The following RHOBTB1 variants were observed in gnomAD, a reference collection of about 807,000 sequenced individuals.
RHOBTB1 encodes the protein rho-related BTB domain-containing protein 1.
Under a neutral mutation model 71.6 loss-of-function variants are expected in RHOBTB1, and 40 were observed. The observed-to-expected ratio is 0.56, with a 90% CI of 0.43 to 0.73. The LOEUF is 0.73. Among genes scored for constraint, RHOBTB1 ranks in the 30% least tolerant of loss-of-function variants. RHOBTB1 has a pLI of 0.00. For synonymous variants in RHOBTB1, 319 were observed against 334.9 expected (o/e 0.95, Z 0.52); for missense variants, 797 against 894.0 (o/e 0.89, Z 1.38).
intron 2 of RHOBTB1, among the ~76,000 whole-genome samples, chr10:60,938,327 C>A (rs1013121540): frequency 1.3e-5 from 2 of 152,112 alleles, no homozygotes; most frequent in African/African-American, 4.8e-5. Context: ...ACTTTTCAGG[C>A]AGTGTTATGT....
At chr10:60,882,617 G>T (rs774891816) in intron 7 of RHOBTB1, among the ~76,000 whole-genome samples, 3 of 152,008 alleles carry the variant, frequency 2.0e-5, no homozygotes, top group African/African-American at 4.8e-5. Flanking sequence ...TTCATGGTGT[G>T]GGGGGTGGGA....
At chr10:60,981,166 A>G (rs1366527564) in intron 2 of RHOBTB1, among the ~76,000 whole-genome samples, 1 of 152,152 alleles carries the variant, frequency 6.6e-6, no homozygotes, top group Non-Finnish European at 1.5e-5. Context: ...ATGCCATTTG[A>G]AGTTTCTCTG....
chr10:60,885,007 C>T (rs2081502400), intron 7 of RHOBTB1, among the ~76,000 whole-genome samples: 1 of 151,946 alleles, frequency 6.6e-6, no homozygotes, highest in African/African-American at 2.4e-5. Context: ...TAGCTTTGAA[C>T]TCCTGGGCTC....
intron 1 of RHOBTB1, among the ~76,000 whole-genome samples, chr10:61,000,285 T>C (rs916101033): frequency 1.3e-5 from 2 of 152,056 alleles, no homozygotes; most frequent in African/African-American, 4.8e-5. Context: ...GATACCTACT[T>C]CTTCTCACCA....
At chr10:60,913,587 A>G (rs1439312987) in intron 2 of RHOBTB1, among the ~76,000 whole-genome samples, 3 of 152,186 alleles carry the variant, frequency 2.0e-5, no homozygotes, top group African/African-American at 7.2e-5. Flanking sequence ...AATCCCAGGG[A>G]ACACTGCAGT....
intron 2 of RHOBTB1, among the ~76,000 whole-genome samples, chr10:60,957,141 G>A (rs2085623210): frequency 6.6e-6 from 1 of 152,156 alleles, no homozygotes; most frequent in Admixed American, 6.5e-5. Context: ...ACCAGCCTAA[G>A]GCTGTTTGAC....
At chr10:60,958,541 A>G (rs901629789) in intron 2 of RHOBTB1, among the ~76,000 whole-genome samples, 14 of 152,302 alleles carry the variant, frequency 9.2e-5, no homozygotes, top group Admixed American at 8.5e-4. Context: ...CTCACAAAAT[A>G]TCAACCATCA....
chr10:60,912,733 A>T (rs1308882166), intron 2 of RHOBTB1: 1 of 152,276 alleles, frequency 6.6e-6, no homozygotes, highest in Non-Finnish European at 1.5e-5. Flanking sequence ...AGCACCTGCC[A>T]GCTTGGTCTC....
At chr10:60,890,952 C>T (rs1244093935) in intron 5 of RHOBTB1, among the ~76,000 whole-genome samples, 1 of 152,220 alleles carries the variant, frequency 6.6e-6, no homozygotes, top group Admixed American at 6.5e-5. Context: ...GTAGAAGGCA[C>T]TGTCCCCTCC....
chr10:60,882,309 C>G (rs745520342), intron 7 of RHOBTB1, among the ~76,000 whole-genome samples: 4 of 151,766 alleles, frequency 2.6e-5, no homozygotes, highest in Non-Finnish European at 5.9e-5. Context: ...TTAGCTGAGA[C>G]TATTAGGCTT....
chr10:60,906,973 C>A (rs372237954), intron 4 of RHOBTB1, among the ~76,000 whole-genome samples: 2 of 152,172 alleles, frequency 1.3e-5, no homozygotes, highest in South Asian at 2.1e-4. Context: ...ATCTTGAGAG[C>A]AGGTCTTTCT....
intron 9 of RHOBTB1, among the ~76,000 whole-genome samples, chr10:60,874,227 A>T (rs2080935784): frequency 6.6e-6 from 1 of 152,240 alleles, no homozygotes; most frequent in Non-Finnish European, 1.5e-5. Flanking sequence ...GTGTAAATTC[A>T]TTGTTAATCA....
intron 2 of RHOBTB1, among the ~76,000 whole-genome samples, chr10:60,958,980 T>C (rs1282757164): frequency 1.3e-5 from 2 of 152,162 alleles, no homozygotes; most frequent in Non-Finnish European, 2.9e-5. Context: ...ACTATTACTT[T>C]GGTGGTCTCC....
At position 60,870,659 on chromosome 10, in the gene RHOBTB1, C is replaced by T. The variant is rs139404457; in HGVS notation, c.*823G>A. The T allele has an allele frequency of 3.9e-5, 6 of 152,376 alleles. No individual in the cohort carries two copies. Among genetic ancestry groups the T allele is most frequent in the East Asian group, 1.9e-4 (1 of 5,178 alleles). 9.4% of individuals were successfully genotyped at this position (152,376 alleles called of 1,614,324 possible). On this transcript the variant is annotated 3_prime_UTR_variant, in exon 11 of 11. Transcript: ENST00000337910. ...AGATGTAAACCCTAATACAGCAATC[C>T]GAACACCAGCGCACTAATGGTATCT...
chr10:60,880,172 G>T (rs912065851), intron 7 of RHOBTB1, among the ~76,000 whole-genome samples: 7 of 121,610 alleles, frequency 5.8e-5, no homozygotes, highest in African/African-American at 2.4e-4. Flanking sequence ...GATACTGAGG[G>T]ATGACTGTGT....
intron 2 of RHOBTB1, among the ~76,000 whole-genome samples, chr10:60,968,343 T>C (rs2086042036): frequency 6.6e-6 from 1 of 152,164 alleles, no homozygotes; most frequent in East Asian, 1.9e-4. Context: ...AAATGTAGTG[T>C]GTAAATGAAT....
At chr10:60,881,106 T>G (rs1237687847) in intron 7 of RHOBTB1, among the ~76,000 whole-genome samples, 2 of 152,108 alleles carry the variant, frequency 1.3e-5, no homozygotes, top group African/African-American at 4.8e-5. Flanking sequence ...TCTCATGAGA[T>G]CTGATGATTT....
intron 4 of RHOBTB1, among the ~76,000 whole-genome samples, chr10:60,908,793 C>A (rs948264506): frequency 6.6e-6 from 1 of 152,104 alleles, no homozygotes; most frequent in East Asian, 1.9e-4. Flanking sequence ...GGGTCTGTGT[C>A]AGGACGCCTG....
chr10:60,947,647 GTA>G (rs2085281953), upstream of RHOBTB1, among the ~76,000 whole-genome samples: 1 of 151,940 alleles, frequency 6.6e-6, no homozygotes. Flanking sequence ...GGTATTGAAT[GTA>G]TCAATAGTTC....
Sources: allele counts gnomAD v4.1 joint callset (sites outside exome capture counted in the v4.1 genomes callset), GRCh38; gene constraint gnomAD v4.1.1; transcripts MANE v1.5; gene names NCBI Gene and HGNC (gene_info 2026-07-23, HGNC 2026-07-21).